Variants in PLA2G4E observed in about 807,000 individuals in gnomAD.
PLA2G4E encodes phospholipase A2 group IVE.
In PLA2G4E, 84 loss-of-function variants were observed where a neutral mutation model predicts 109.1. That is an observed-to-expected ratio of 0.77 (90% CI 0.65 to 0.92). PLA2G4E has a LOEUF of 0.92. Ranked by LOEUF, PLA2G4E falls within the 40% of genes least tolerant of loss-of-function variation. The probability of loss-of-function intolerance (pLI) is 0.00; values close to 1 mark genes in which losing one functional copy is unlikely to be tolerated. For missense variants in PLA2G4E, 1,057 were observed against 1,076.6 expected (o/e 0.98, Z 0.25); for synonymous variants, 469 against 436.1 (o/e 1.08, Z -0.94).
intron 1 of PLA2G4E, among the ~76,000 whole-genome samples, chr15:42,036,697 G>A (rs1479786988): frequency 1.3e-5 from 2 of 152,140 alleles, no homozygotes; most frequent in Non-Finnish European, 2.9e-5. Flanking sequence ...GACACTGGCC[G>A]GGGCCCAGCC....
chr15:42,006,612 G>A (rs1283232000), intron 3 of PLA2G4E, among the ~76,000 whole-genome samples: 1 of 152,138 alleles, frequency 6.6e-6, no homozygotes, highest in Non-Finnish European at 1.5e-5. Context: ...ATAATTGGTG[G>A]GGTATATGAA....
At chr15:42,021,458 T>TG (rs2068647783) in intron 1 of PLA2G4E, among the ~76,000 whole-genome samples, 1 of 148,048 alleles carries the variant, frequency 6.8e-6, no homozygotes, top group Non-Finnish European at 1.5e-5. Flanking sequence ...TTCAGTTTCA[T>TG]GGCTTGGTAC....
intron 2 of PLA2G4E, chr15:42,010,302 C>A: frequency 2.8e-6 from 1 of 356,064 alleles, no homozygotes; most frequent in Non-Finnish European, 5.8e-6. Context: ...TCCTGTCATT[C>A]GTCCATGCCT....
chr15:42,030,077 C>A (rs1858238027), intron 1 of PLA2G4E, among the ~76,000 whole-genome samples: 1 of 152,042 alleles, frequency 6.6e-6, no homozygotes, highest in South Asian at 2.1e-4. Flanking sequence ...ATGGGCCTGA[C>A]AAATGAAGAG....
At chr15:42,021,104 A>T (rs529239166) in intron 1 of PLA2G4E, among the ~76,000 whole-genome samples, 62 bp from the exon 1 acceptor site, 1 of 152,178 alleles carries the variant, frequency 6.6e-6, no homozygotes, top group South Asian at 2.1e-4. Flanking sequence ...TCCTGGCCAC[A>T]GCTTGGCAGT....
chr15:41,985,435 G>A (rs1418683403), intron 18 of PLA2G4E, among the ~76,000 whole-genome samples: 1 of 152,202 alleles, frequency 6.6e-6, no homozygotes, highest in Admixed American at 6.5e-5. Context: ...GAGCACTTGA[G>A]TGTAATTCAT....
chr15:41,987,462 C>G, intron 16 of PLA2G4E, 87 bp from the exon 17 acceptor site: 1 of 1,284,664 alleles, frequency 7.8e-7, no homozygotes, highest in Non-Finnish European at 1.1e-6. Flanking sequence ...TTGCCTGGCA[C>G]CCAGGGGTGA....
chr15:42,037,518 T>A (rs1889238925), intron 1 of PLA2G4E, among the ~76,000 whole-genome samples: 2 of 152,324 alleles, frequency 1.3e-5, no homozygotes, highest in African/African-American at 4.8e-5. Flanking sequence ...AATCTCCTCA[T>A]CTTCTTGCTC....
intron 1 of PLA2G4E, among the ~76,000 whole-genome samples, chr15:42,045,253 A>C (rs543383770): frequency 1.3e-5 from 2 of 152,238 alleles, no homozygotes; most frequent in Admixed American, 1.3e-4. Flanking sequence ...AGAAGTAGGA[A>C]TGAGCTTGCC....
At chr15:41,999,775 C>T in intron 9 of PLA2G4E, 142 bp downstream of exon 9, 1 of 1,105,054 alleles carries the variant, frequency 9.0e-7, no homozygotes, top group Middle Eastern at 2.0e-4. Context: ...GTCTCCTGCC[C>T]CACAAGACTC....
chr15:42,010,082 G>A (rs1434778625), intron 2 of PLA2G4E: 1 of 497,920 alleles, frequency 2.0e-6, no homozygotes, highest in East Asian at 5.7e-5. Context: ...GACTCACCAG[G>A]AACCTGCTCA....
chr15:41,997,311 G>A, intron 10 of PLA2G4E, 52 bp from the exon 11 acceptor site: 4 of 1,482,322 alleles, frequency 2.7e-6, no homozygotes, highest in Non-Finnish European at 3.6e-6. Flanking sequence ...CCTCCCTGGA[G>A]TAGACACAGC....
chr15:42,019,585 C>T (rs1191696851), intron 1 of PLA2G4E, among the ~76,000 whole-genome samples: 1 of 152,146 alleles, frequency 6.6e-6, no homozygotes, highest in Non-Finnish European at 1.5e-5. Context: ...CTGGGTGTAC[C>T]CTTCAGTTCC....
chr15:42,049,410 C>T (rs1889471076), intron 1 of PLA2G4E, among the ~76,000 whole-genome samples: 1 of 152,170 alleles, frequency 6.6e-6, no homozygotes, highest in Non-Finnish European at 1.5e-5. Context: ...CCTAAGGGTC[C>T]CACGTCTCAA....
intron 1 of PLA2G4E, among the ~76,000 whole-genome samples, chr15:42,039,408 C>A (rs976659598): frequency 2.6e-5 from 4 of 151,878 alleles, no homozygotes; most frequent in African/African-American, 4.8e-5. Context: ...AGAGAATGTA[C>A]CAATATGGAA....
chr15:41,990,178 G>C, exon 14 of PLA2G4E: 1 of 1,613,748 alleles, frequency 6.2e-7, no homozygotes, highest in Non-Finnish European at 8.5e-7. Flanking sequence ...TAGATGGGCA[G>C]GGGGTTCTGG....
At chr15:42,008,999 G>T (rs1002151767) in intron 2 of PLA2G4E, 3 of 152,180 alleles carry the variant, frequency 2.0e-5, no homozygotes, top group African/African-American at 7.2e-5. Context: ...CAACAGCCCT[G>T]ATCTAAATCA....
At chr15:42,000,235 G>A (rs200572412) in exon 8 of PLA2G4E, 6 of 1,581,994 alleles carry the variant, frequency 3.8e-6, no homozygotes, top group Non-Finnish European at 4.3e-6. Flanking sequence ...GGCCGGACAC[G>A]CTGGGTGTTC....
chr15:41,990,701 C>T (rs956075235), intron 13 of PLA2G4E, among the ~76,000 whole-genome samples: 1 of 150,634 alleles, frequency 6.6e-6, no homozygotes, highest in Non-Finnish European at 1.5e-5. Context: ...TCCCTTCCTC[C>T]GCTCCCCTGC....
Sources: allele counts gnomAD v4.1 joint callset (sites outside exome capture counted in the v4.1 genomes callset), GRCh38; gene constraint gnomAD v4.1.1; transcripts MANE v1.5; gene names NCBI Gene and HGNC (gene_info 2026-07-23, HGNC 2026-07-21).